The following MMS22L variants were observed in gnomAD, a reference collection of about 807,000 sequenced individuals.
The protein encoded by MMS22L is MMS22 like, DNA repair protein.
MMS22L carries 74 observed loss-of-function variants against 159.1 expected under a neutral mutation model. The ratio of observed to expected loss-of-function variants is 0.47; its 90% CI spans 0.39 to 0.56. The LOEUF (loss-of-function observed/expected upper bound fraction) is 0.56. Ranked by LOEUF, MMS22L falls within the 20% of genes least tolerant of loss-of-function variation. The pLI is 0.00. For synonymous variants in MMS22L, 517 were observed against 506.9 expected (o/e 1.02, Z -0.27); for missense variants, 1,351 against 1,422.1 (o/e 0.95, Z 0.80).
rs150109479 is a variant in MMS22L at position 97,217,144 on chromosome 6, A to T, written c.2039+11750T>A. Among the ~76,000 whole-genome samples the T allele has an allele frequency of 4.5e-3, 681 of 152,300 alleles. 4 individuals carry two copies. The highest frequency in any genetic ancestry group is 0.015 in the African/African-American group (634 of 41,574). Reference sequence around the variant, plus strand: ...TTACTGGTAACTTCAAATTTTGGTAATAACTATAAATCAGAAATCATAAAG... The same window carrying T: ...TTACTGGTAACTTCAAATTTTGGTATTAACTATAAATCAGAAATCATAAAG... On this transcript the variant is annotated intron_variant, in intron 14 of 24. Coordinates refer to ENST00000683635, the MANE Select transcript of MMS22L (RefSeq NM_001350599.2).
intron 19 of MMS22L, among the ~76,000 whole-genome samples, chr6:97,171,506 A>G (rs1361778428): frequency 6.6e-6 from 1 of 152,194 alleles, no homozygotes; most frequent in Non-Finnish European, 1.5e-5. Flanking sequence ...ACAGAAAACT[A>G]TCAGATATGA....
chr6:97,175,422 T>TTA (rs1277091308), intron 18 of MMS22L, among the ~76,000 whole-genome samples: 1 of 152,188 alleles, frequency 6.6e-6, no homozygotes, highest in Non-Finnish European at 1.5e-5. Context: ...CTCTTTGCTA[T>TTA]TATACCAAAA....
chr6:97,232,367 C>T (rs962185755), intron 12 of MMS22L, among the ~76,000 whole-genome samples: 17 of 152,056 alleles, frequency 1.1e-4, no homozygotes, highest in South Asian at 4.1e-4. Context: ...AATTCTATCA[C>T]GTTTTCTTAA....
chr6:97,271,016 A>T (rs1272524501), intron 6 of MMS22L: 1 of 152,130 alleles, frequency 6.6e-6, no homozygotes, highest in Non-Finnish European at 1.5e-5. Context: ...GAAAAAGTAA[A>T]TAAAAGAAAA....
At chr6:97,269,446 G>C (rs1815496582) in intron 7 of MMS22L, among the ~76,000 whole-genome samples, 1 of 152,088 alleles carries the variant, frequency 6.6e-6, no homozygotes, top group South Asian at 2.1e-4. Flanking sequence ...ATACACAAGG[G>C]TGTTCAGTGA....
At chr6:97,154,063 A>T (rs1259622277) in intron 22 of MMS22L, among the ~76,000 whole-genome samples, 30 of 152,182 alleles carry the variant, frequency 2.0e-4, no homozygotes. Context: ...AAGTAGCAAC[A>T]TGATTTTACA....
At chr6:97,155,509 T>G (rs1468459536) in intron 22 of MMS22L, among the ~76,000 whole-genome samples, 1 of 152,076 alleles carries the variant, frequency 6.6e-6, no homozygotes, top group Non-Finnish European at 1.5e-5. Flanking sequence ...TTCCCCTCCC[T>G]GTGTCCATGT....
intron 11 of MMS22L, among the ~76,000 whole-genome samples, chr6:97,237,309 C>A (rs985388868): frequency 6.6e-6 from 1 of 152,142 alleles, no homozygotes; most frequent in Non-Finnish European, 1.5e-5. Flanking sequence ...GATCTTGGTA[C>A]AAAACCTTTT....
At chr6:97,250,010 CA>C (rs1813078716) in intron 10 of MMS22L, among the ~76,000 whole-genome samples, 1 of 151,900 alleles carries the variant, frequency 6.6e-6, no homozygotes, top group African/African-American at 2.4e-5. Flanking sequence ...TAATCTAAAA[CA>C]AAAATAAACT....
At chr6:97,220,204 A>G (rs1228832723) in intron 14 of MMS22L, among the ~76,000 whole-genome samples, 1 of 152,218 alleles carries the variant, frequency 6.6e-6, no homozygotes, top group Non-Finnish European at 1.5e-5. Flanking sequence ...ATAAAGGTAG[A>G]AAGACTTGGG....
In MMS22L at chr6:97,229,175, C is replaced by G. The variant is rs1320231142; in HGVS notation, c.1758G>C (p.Leu586=). The G allele has an allele frequency of 6.2e-7, 1 of 1,613,960 alleles. No homozygotes were observed. Among genetic ancestry groups the G allele is most frequent in the African/African-American group, 1.3e-5 (1 of 74,908 alleles). The part of the protein sequence containing the change: ...AFLLMYAQKN[L]DIGVLAEKFS... ...ATTTCTCAGCCAAAACACCAATGTC[C>G]AGATTTTTCTGGGCATACATCAAGA... is the stretch of plus-strand genomic sequence containing the variant. Residue 586 remains leucine, a synonymous_variant, in exon 14 of 25, where the codon CTG becomes CTC. Coordinates refer to ENST00000683635, the MANE Select transcript of MMS22L (RefSeq NM_001350599.2).
intron 21 of MMS22L, among the ~76,000 whole-genome samples, chr6:97,162,391 G>A (rs537195422): frequency 6.6e-6 from 1 of 152,002 alleles, no homozygotes; most frequent in South Asian, 2.1e-4. Flanking sequence ...GCACAATATA[G>A]TCACAAACTA....
intron 4 of MMS22L, among the ~76,000 whole-genome samples, chr6:97,276,163 T>C (rs775770824): frequency 1.1e-4 from 17 of 152,210 alleles, no homozygotes; most frequent in South Asian, 2.1e-4. Context: ...CATAGGGACT[T>C]CTTGGCACAG....
intron 11 of MMS22L, among the ~76,000 whole-genome samples, chr6:97,243,943 T>G (rs1412769253): frequency 1.3e-5 from 2 of 152,184 alleles, no homozygotes; most frequent in East Asian, 3.9e-4. Context: ...CAGCCGTGGA[T>G]ACCACCACCT....
At chr6:97,243,632 G>A (rs558321482) in intron 11 of MMS22L, among the ~76,000 whole-genome samples, 1 of 152,238 alleles carries the variant, frequency 6.6e-6, no homozygotes, top group South Asian at 2.1e-4. Flanking sequence ...GAGCTAGTGT[G>A]ATCTTGTGGG....
intron 14 of MMS22L, among the ~76,000 whole-genome samples, chr6:97,201,266 G>A (rs1048700568): frequency 6.6e-6 from 1 of 152,040 alleles, no homozygotes; most frequent in Non-Finnish European, 1.5e-5. Context: ...AAAAATCAGT[G>A]TTTTTCTTTA....
chr6:97,254,323 T>C (rs931862693), intron 10 of MMS22L: 1 of 407,692 alleles, frequency 2.5e-6, no homozygotes, highest in East Asian at 4.7e-5. Flanking sequence ...AATTGTTCAG[T>C]AGCAGGGCCA....
rs555251084 is a variant in MMS22L at position 97,278,834 on chromosome 6, A to T, written c.340+15T>A. The T allele has an allele frequency of 6.2e-7, 1 of 1,610,256 alleles. No homozygotes were observed. Among genetic ancestry groups the T allele is most frequent in the African/African-American group, 1.3e-5 (1 of 74,944 alleles). The stretch of plus-strand genomic sequence containing the variant: ...AGCACCATTCCCTTTTGCATTAAAC[A>T]CACCTTAAACTTACCAAAATCACAA... On this transcript the variant is annotated intron_variant, in intron 4 of 24. Transcript: ENST00000683635.
chr6:97,148,197 T>C (rs978386915), intron 24 of MMS22L, among the ~76,000 whole-genome samples: 2 of 152,172 alleles, frequency 1.3e-5, no homozygotes, highest in Non-Finnish European at 2.9e-5. Flanking sequence ...AACAAACCTA[T>C]TGTACTGTCA....
Sources: gnomAD v4.1 joint callset for allele counts (sites outside exome capture counted in the v4.1 genomes callset) on GRCh38, gnomAD v4.1.1 for gene constraint, MANE v1.5 for transcripts, NCBI Gene and HGNC (gene_info 2026-07-23, HGNC 2026-07-21) for gene names.